Variants in KMT2C observed in about 807,000 individuals in gnomAD.
KMT2C encodes the protein lysine methyltransferase 2C, also known as histone-lysine N-methyltransferase 2C.
In KMT2C, 88 loss-of-function variants were observed where a neutral mutation model predicts 507.9. The ratio of observed to expected loss-of-function variants is 0.17; its 90% confidence interval spans 0.15 to 0.21. The LOEUF (loss-of-function observed/expected upper bound fraction) is 0.21, where lower values mean the gene tolerates loss of function less well. Ranked by LOEUF, KMT2C falls within the 10% of genes least tolerant of loss-of-function variation. KMT2C has a pLI of 1.00. For synonymous variants in KMT2C, 2,049 were observed against 2,080.8 expected (o/e 0.98, Z 0.42); for missense variants, 4,954 against 5,957.8 (o/e 0.83, Z 5.55).
At chr7:152,290,718 T>C (rs1266526852) in intron 6 of KMT2C, among the ~76,000 whole-genome samples, 10 of 152,096 alleles carry the variant, frequency 6.6e-5, no homozygotes, top group Admixed American at 6.5e-4. Flanking sequence ...TTCTCAAGCT[T>C]TGGTTTAGTA....
intron 9 of KMT2C, among the ~76,000 whole-genome samples, chr7:152,255,155 ATATGTG>A (rs2095639379): frequency 7.3e-6 from 1 of 137,466 alleles, no homozygotes; most frequent in African/African-American, 2.8e-5. Context: ...ACATATATAT[ATATGTG>A]TGTGTGTGTG....
In KMT2C at chr7:152,204,515, T is replaced by C. The variant is rs1465624794; in HGVS notation, c.3961+591A>G. On this transcript the variant is annotated intron_variant, in intron 25 of 58. Coordinates refer to ENST00000262189, the MANE Select transcript of KMT2C (RefSeq NM_170606.3). ...AGAGGTTGAGGACAGGAGAACTACCTGAGCTCAGGAGTGCAAGGCTGCAGT... is the reference window on the plus strand; with the variant it reads ...AGAGGTTGAGGACAGGAGAACTACCCGAGCTCAGGAGTGCAAGGCTGCAGT... 3.3e-5 allele frequency among the ~76,000 whole-genome samples: 5 copies of C among 152,124 alleles called. No individual in the cohort carries two copies. In the East Asian group the frequency reaches 7.8e-4, roughly 24 times the overall value.
chr7:152,183,883 CA>C (rs2129122152), intron 34 of KMT2C, among the ~76,000 whole-genome samples: 1 of 143,742 alleles, frequency 7.0e-6, no homozygotes, highest in South Asian at 2.3e-4. Flanking sequence ...GCAACAAGAG[CA>C]AAACTCTGTC....
intron 6 of KMT2C, among the ~76,000 whole-genome samples, chr7:152,309,483 C>G (rs892535621): frequency 4.0e-5 from 6 of 149,496 alleles, no homozygotes; most frequent in African/African-American, 1.2e-4. Context: ...ACCAGCATGC[C>G]CGGCTAATTT....
chr7:152,367,821 G>A lies in KMT2C; in HGVS notation c.162-9146C>T, dbSNP rs562326569. ...CAGACGTCAGATGCCTAATAGCAGGGTGCAGTGTTGTTTATACTTCATTGC... is the reference window on the plus strand; with the variant it reads ...CAGACGTCAGATGCCTAATAGCAGGATGCAGTGTTGTTTATACTTCATTGC... On this transcript the variant is annotated intron_variant, in intron 1 of 58. Coordinates refer to ENST00000262189, the MANE Select transcript of KMT2C (RefSeq NM_170606.3). The A allele has an allele frequency of 2.8e-4, 254 of 921,424 alleles. 3 individuals carry two copies. The East Asian group carries it at 4.9e-3, about 18-fold the overall frequency. The allele number at this position is 921,424 out of a possible 1,614,324, so 57.1% of individuals were successfully genotyped here.
chr7:152,342,306 G>T (rs1295024485), intron 2 of KMT2C, among the ~76,000 whole-genome samples: 2 of 151,848 alleles, frequency 1.3e-5, no homozygotes, highest in African/African-American at 4.9e-5. Flanking sequence ...TATTAAATCC[G>T]ATAGTTTTAC....
chr7:152,364,743 C>G (rs907704987), intron 1 of KMT2C, among the ~76,000 whole-genome samples: 3 of 151,528 alleles, frequency 2.0e-5, no homozygotes, highest in African/African-American at 7.3e-5. Flanking sequence ...AAATAAAGAA[C>G]AGTATGAAAA....
chr7:152,408,147 G>A (rs2116645430), intron 1 of KMT2C, among the ~76,000 whole-genome samples: 1 of 152,282 alleles, frequency 6.6e-6, no homozygotes, highest in South Asian at 2.1e-4. Flanking sequence ...AATTAGGTGG[G>A]TGTGGTGACG....
intron 1 of KMT2C, among the ~76,000 whole-genome samples, chr7:152,384,548 A>ACACCACCACCACCAC (rs71198780): frequency 1.9e-4 from 12 of 62,230 alleles, no homozygotes; most frequent in African/African-American, 4.4e-4. Flanking sequence ...CATGTGCATA[A>ACACCACCACCACCAC]CACCACCACC....
intron 1 of KMT2C, among the ~76,000 whole-genome samples, chr7:152,422,325 G>C (rs1047735522): frequency 1.3e-5 from 2 of 150,912 alleles, no homozygotes; most frequent in Non-Finnish European, 3.0e-5. Flanking sequence ...CGTGGTGGCA[G>C]ATGCCTGTAA....
chr7:152,307,050 T>A (rs1054510574), intron 6 of KMT2C, among the ~76,000 whole-genome samples: 1 of 151,826 alleles, frequency 6.6e-6, no homozygotes, highest in African/African-American at 2.4e-5. Context: ...TCCCGGATAT[T>A]CGGGAGGCTC....
At chr7:152,178,785 A>G (rs1410779259) in intron 37 of KMT2C, among the ~76,000 whole-genome samples, 1 of 152,336 alleles carries the variant, frequency 6.6e-6, no homozygotes, top group African/African-American at 2.4e-5. Context: ...AGGTAGAGAT[A>G]TAAGACTAAA....
intron 9 of KMT2C, among the ~76,000 whole-genome samples, chr7:152,255,128 TATATATATATATATATAC>T (rs1355078573): frequency 9.4e-5 from 12 of 127,372 alleles, no homozygotes; most frequent in Non-Finnish European, 1.5e-4. Context: ...TATATATATA[TATATATATATATATATAC>T]ATATATATAT....
intron 2 of KMT2C, among the ~76,000 whole-genome samples, chr7:152,339,626 T>C (rs2096971479): frequency 6.6e-6 from 1 of 152,194 alleles, no homozygotes; most frequent in Non-Finnish European, 1.5e-5. Flanking sequence ...ATGGATTACA[T>C]CATAGTACCA....
chr7:152,332,873 C>CACAA (rs1420912247), intron 2 of KMT2C, among the ~76,000 whole-genome samples: 3 of 151,610 alleles, frequency 2.0e-5, no homozygotes, highest in Non-Finnish European at 4.4e-5. Context: ...CACACACACA[C>CACAA]ACACACACAC....
At position 152,135,656 on chromosome 7, in the gene KMT2C, A is replaced by T; in HGVS notation, c.*1176T>A. On this transcript the variant is annotated 3_prime_UTR_variant, in exon 59 of 59. Transcript: ENST00000262189. ...TAATCAAAACTACTTTTGCTGAAGA[A>T]AAAATTCAGCCTCCATTTGGGTGTA... 1 of 227,360 alleles carries T rather than the reference A, an allele frequency of 4.4e-6. No individual in the cohort carries two copies. Among genetic ancestry groups the T allele is most frequent in the Non-Finnish European group, 8.8e-6 (1 of 114,194 alleles). 14.1% of individuals were successfully genotyped at this position (227,360 alleles called of 1,614,324 possible).
At chr7:152,222,552 C>G (rs763329867) in intron 21 of KMT2C, 21 bp downstream of exon 21, 1 of 1,302,080 alleles carries the variant, frequency 7.7e-7, no homozygotes, top group Middle Eastern at 2.6e-4. Flanking sequence ...TGCAGACTCA[C>G]AGTTTAAATT....
At chr7:152,193,654 G>C (rs1026910957) in intron 31 of KMT2C, among the ~76,000 whole-genome samples, 1 of 152,154 alleles carries the variant, frequency 6.6e-6, no homozygotes, top group African/African-American at 2.4e-5. Context: ...AGATCAATGA[G>C]TACAGGCAGC....
chr7:152,260,806 G>A (rs1419772530), intron 9 of KMT2C, among the ~76,000 whole-genome samples: 5 of 152,238 alleles, frequency 3.3e-5, no homozygotes, highest in African/African-American at 1.2e-4. Context: ...GGAATTAACA[G>A]AGGAAATATA....
Sources: allele counts gnomAD v4.1 joint callset (sites outside exome capture counted in the v4.1 genomes callset), GRCh38; gene constraint gnomAD v4.1.1; transcripts MANE v1.5; gene names NCBI Gene and HGNC (gene_info 2026-07-23, HGNC 2026-07-21).